The following HNMT variants were observed in gnomAD, a reference collection of about 807,000 sequenced individuals.
HNMT encodes histamine N-methyltransferase.
A neutral mutation model predicts 32.1 loss-of-function variants in HNMT; 30 were observed. The ratio of observed to expected loss-of-function variants is 0.93; its 90% CI spans 0.70 to 1.27. HNMT has a LOEUF of 1.27. HNMT is among the 50% of genes most tolerant of loss of function. The pLI is 0.00. For missense variants in HNMT, 327 were observed against 346.0 expected (o/e 0.95, Z 0.43); for synonymous variants, 125 against 119.0 (o/e 1.05, Z -0.33).
At chr2:137,992,352 C>T (rs946961782) in intron 2 of HNMT, among the ~76,000 whole-genome samples, 3 of 152,210 alleles carry the variant, frequency 2.0e-5, no homozygotes, top group Non-Finnish European at 4.4e-5. Flanking sequence ...ATCTCTATAG[C>T]CCCAGGCTGT....
At chr2:137,970,246 A>ATTTCACTT (rs1680081594) in intron 2 of HNMT, 29 bp downstream of exon 2, 4 of 1,264,822 alleles carry the variant, frequency 3.2e-6, no homozygotes, top group Non-Finnish European at 4.5e-6. Context: ...TAAAGTTCAT[A>ATTTCACTT]TTTCACTTTA....
intron 2 of HNMT, chr2:137,981,325 T>C: frequency 6.2e-7 from 1 of 1,613,508 alleles, no homozygotes; most frequent in Non-Finnish European, 8.5e-7. Context: ...ATGAGCGCTC[T>C]TCTGAGTTGC....
At chr2:137,998,094 A>G (rs1209938862) in intron 2 of HNMT, among the ~76,000 whole-genome samples, 1 of 152,116 alleles carries the variant, frequency 6.6e-6, no homozygotes, top group Non-Finnish European at 1.5e-5. Context: ...ATGTATACCT[A>G]TGTAACAAAC....
At chr2:137,998,008 G>A (rs1681048221) in intron 2 of HNMT, among the ~76,000 whole-genome samples, 1 of 152,084 alleles carries the variant, frequency 6.6e-6, no homozygotes, top group Non-Finnish European at 1.5e-5. Flanking sequence ...ACAGACACCA[G>A]GGCCTGTTGG....
intron 2 of HNMT, among the ~76,000 whole-genome samples, chr2:137,987,014 AAAAG>A (rs1680670483): frequency 6.6e-6 from 1 of 152,224 alleles, no homozygotes; most frequent in Non-Finnish European, 1.5e-5. Context: ...AGAAAAGAAA[AAAAG>A]AAAGAAAATA....
intron 1 of HNMT, 42 bp from the exon 2 acceptor site, chr2:137,970,123 C>A: frequency 9.3e-7 from 1 of 1,075,084 alleles, no homozygotes; most frequent in Non-Finnish European, 1.4e-6. Flanking sequence ...TCACAAAGCA[C>A]CTAACACATT....
intron 2 of HNMT, among the ~76,000 whole-genome samples, chr2:137,979,978 C>T (rs1221308166): frequency 6.6e-6 from 1 of 152,092 alleles, no homozygotes; most frequent in East Asian, 1.9e-4. Context: ...AAGCACTGCT[C>T]CCACAAGTGT....
At chr2:137,977,242 G>A (rs547709368) in intron 2 of HNMT, among the ~76,000 whole-genome samples, 67 of 152,224 alleles carry the variant, frequency 4.4e-4, no homozygotes, top group Middle Eastern at 3.4e-3. Flanking sequence ...AAAGTCCATG[G>A]CATGTGTTTA....
chr2:137,984,680 TTAAG>T (rs1478103221), intron 2 of HNMT, among the ~76,000 whole-genome samples: 1 of 152,178 alleles, frequency 6.6e-6, no homozygotes, highest in Non-Finnish European at 1.5e-5. Context: ...AATATTGGAA[TTAAG>T]TTTTTGAGGT....
chr2:137,967,524 C>T (rs1679997200), intron 1 of HNMT: 2 of 160,872 alleles, frequency 1.2e-5, no homozygotes, highest in South Asian at 3.8e-4. Context: ...CTTCTTACGT[C>T]TAGTATTCTG....
At chr2:137,987,670 G>A (rs1299705270) in intron 2 of HNMT, among the ~76,000 whole-genome samples, 1 of 133,426 alleles carries the variant, frequency 7.5e-6, no homozygotes, top group Non-Finnish European at 1.5e-5. Context: ...GTTCTATAGG[G>A]TATAGTAACC....
chr2:137,983,586 A>G (rs1680566676), intron 2 of HNMT, among the ~76,000 whole-genome samples: 2 of 152,172 alleles, frequency 1.3e-5, no homozygotes, highest in South Asian at 4.1e-4. Context: ...CTCATCATAC[A>G]GGATACACTC....
At chr2:137,969,527 G>A (rs554105200) in intron 1 of HNMT, among the ~76,000 whole-genome samples, 36 of 152,192 alleles carry the variant, frequency 2.4e-4, no homozygotes, top group African/African-American at 8.2e-4. Context: ...CCTGAAACAG[G>A]GAAGTCACTG....
chr2:137,985,202 TAA>T (rs5834597), intron 2 of HNMT, among the ~76,000 whole-genome samples: 77 of 135,324 alleles, frequency 5.7e-4, no homozygotes, highest in Admixed American at 8.0e-4. Context: ...GAACCGAAAC[TAA>T]AAAAAAAAAA....
At chr2:137,984,088 G>T (rs977009403) in intron 2 of HNMT, among the ~76,000 whole-genome samples, 4 of 152,078 alleles carry the variant, frequency 2.6e-5, no homozygotes, top group Non-Finnish European at 2.9e-5. Context: ...ACTGAGTGTT[G>T]TGCATCCACC....
At chr2:137,965,206 G>C (rs1036381177) in intron 1 of HNMT, among the ~76,000 whole-genome samples, 11 of 152,026 alleles carry the variant, frequency 7.2e-5, no homozygotes, top group African/African-American at 2.7e-4. Context: ...CCCATTATCA[G>C]TGAAACTCAC....
At chr2:137,996,034 T>C (rs1680982128) in intron 2 of HNMT, among the ~76,000 whole-genome samples, 1 of 152,134 alleles carries the variant, frequency 6.6e-6, no homozygotes, top group South Asian at 2.1e-4. Context: ...TAATGAAAGC[T>C]ATGTATGACA....
chr2:137,968,749 T>C (rs1680033833), intron 1 of HNMT, among the ~76,000 whole-genome samples: 1 of 152,138 alleles, frequency 6.6e-6, no homozygotes, highest in Non-Finnish European at 1.5e-5. Flanking sequence ...AGGCAAATCA[T>C]TTATAGGTGT....
At chr2:137,986,367 G>C (rs1000681313) in intron 2 of HNMT, among the ~76,000 whole-genome samples, 9 of 152,076 alleles carry the variant, frequency 5.9e-5, no homozygotes, top group Non-Finnish European at 1.0e-4. Flanking sequence ...AGACCCAGGA[G>C]AGCCCATGGT....
Sources: gnomAD v4.1 joint callset for allele counts (sites outside exome capture counted in the v4.1 genomes callset) on GRCh38, gnomAD v4.1.1 for gene constraint, MANE v1.5 for transcripts, NCBI Gene and HGNC (gene_info 2026-07-23, HGNC 2026-07-21) for gene names.